ASB3: variants seen among roughly 807,000 people sequenced by gnomAD.
ASB3 encodes ankyrin repeat and SOCS box containing 3.
Under a neutral mutation model 54.5 loss-of-function variants are expected in ASB3, and 41 were observed. That is an observed-to-expected ratio of 0.75 (90% confidence interval 0.59 to 0.98). ASB3 has a LOEUF of 0.98. ASB3 is among the 50% of genes least tolerant of loss of function. The probability of loss-of-function intolerance (pLI) is 0.00; values close to 1 mark genes in which losing one functional copy is unlikely to be tolerated. For missense variants in ASB3, 733 were observed against 620.0 expected, an observed-to-expected ratio of 1.18 and a Z score of -1.94; for synonymous variants, 266 against 221.2, an observed-to-expected ratio of 1.20 and a Z score of -1.80.
chr2:53,741,168 A>ATT (rs1417565778), intron 3 of ASB3, among the ~76,000 whole-genome samples: 3 of 152,228 alleles, frequency 2.0e-5, no homozygotes, highest in Non-Finnish European at 2.9e-5. Context: ...AAAGAGTCCT[A>ATT]TTTATGTAGG....
intron 3 of ASB3, among the ~76,000 whole-genome samples, chr2:53,744,190 C>T (rs1672094917): frequency 6.6e-6 from 1 of 151,054 alleles, no homozygotes; most frequent in Non-Finnish European, 1.5e-5. Flanking sequence ...TCCTGGCTAA[C>T]ACGGTGAAAC....
intron 1 of ASB3, among the ~76,000 whole-genome samples, chr2:53,784,032 T>C (rs1461329894): frequency 6.6e-6 from 1 of 152,192 alleles, no homozygotes; most frequent in East Asian, 1.9e-4. Context: ...AGGAGCAAAA[T>C]GAGTTTATTT....
At chr2:53,751,774 T>C (rs1472313432) in intron 2 of ASB3, among the ~76,000 whole-genome samples, 2 of 152,206 alleles carry the variant, frequency 1.3e-5, no homozygotes, top group Non-Finnish European at 2.9e-5. Context: ...TGTAACTCAC[T>C]GATGAAACAA....
chr2:53,741,081 C>T (rs955558186), intron 3 of ASB3, among the ~76,000 whole-genome samples: 1 of 152,140 alleles, frequency 6.6e-6, no homozygotes, highest in South Asian at 2.1e-4. Context: ...ATGACCCATA[C>T]TAAGGCTTAG....
chr2:53,785,178 A>T (rs1472797149), intron 1 of ASB3, among the ~76,000 whole-genome samples: 1 of 152,246 alleles, frequency 6.6e-6, no homozygotes, highest in East Asian at 1.9e-4. Flanking sequence ...TGACTTACGT[A>T]CTAAAAGCAA....
At chr2:53,677,867 C>G (rs1668164726) in intron 9 of ASB3, among the ~76,000 whole-genome samples, 2 of 152,050 alleles carry the variant, frequency 1.3e-5, no homozygotes, top group Non-Finnish European at 2.9e-5. Flanking sequence ...AGGCACACTA[C>G]ATGTTAAGGA....
intron 3 of ASB3, among the ~76,000 whole-genome samples, chr2:53,735,591 C>T (rs12621635): frequency 0.088 from 13,258 of 150,304 alleles, 626 homozygotes; most frequent in East Asian, 0.17. Flanking sequence ...AATGTGAGCC[C>T]AATCAAAATA....
At chr2:53,700,184 T>C (rs1305243907) in intron 8 of ASB3, 87 bp downstream of exon 8, 1 of 1,530,606 alleles carries the variant, frequency 6.5e-7, no homozygotes, top group African/African-American at 1.4e-5. Context: ...GATACCCTTC[T>C]CCAAACACTG....
chr2:53,694,204 T>C, intron 8 of ASB3, 190 bp from the exon 9 acceptor site: 2 of 551,310 alleles, frequency 3.6e-6, no homozygotes, highest in Non-Finnish European at 6.0e-6. Context: ...CAGGTTCCTA[T>C]TAACTGAATT....
At chr2:53,768,709 T>A (rs1673675595) in intron 1 of ASB3, among the ~76,000 whole-genome samples, 1 of 152,254 alleles carries the variant, frequency 6.6e-6, no homozygotes, top group Non-Finnish European at 1.5e-5. Context: ...ATGGTTCTCA[T>A]AATTATAATA....
chr2:53,694,824 T>C (rs891668615), intron 8 of ASB3, among the ~76,000 whole-genome samples: 11 of 152,286 alleles, frequency 7.2e-5, no homozygotes, highest in East Asian at 3.9e-4. Flanking sequence ...CAGGGAACTA[T>C]ATGTGAAAAT....
At chr2:53,693,857 G>C in intron 9 of ASB3, 27 bp downstream of exon 9, 1 of 1,607,696 alleles carries the variant, frequency 6.2e-7, no homozygotes, top group East Asian at 2.2e-5. Flanking sequence ...AAGTAGTGAA[G>C]TGTGTTTAAA....
intron 5 of ASB3, among the ~76,000 whole-genome samples, chr2:53,724,257 C>G (rs958481221): frequency 6.6e-6 from 1 of 152,084 alleles, no homozygotes; most frequent in African/African-American, 2.4e-5. Flanking sequence ...TATCTAGAAT[C>G]TATAAGGAAC....
In ASB3 at chr2:53,740,734, C is replaced by T. The variant is rs528175429; in HGVS notation, c.355+10049G>A. Among the ~76,000 whole-genome samples, 3 of 152,224 alleles carry T rather than the reference C, an allele frequency of 2.0e-5. No individual in the cohort carries two copies. The East Asian group carries it at 5.8e-4, about 29-fold the overall frequency. Reference sequence around the variant, plus strand: ...GCGAATATCCCAATCCAATCATCCACGTTATCACTGACATTTCTCATGGTT... The same window carrying T: ...GCGAATATCCCAATCCAATCATCCATGTTATCACTGACATTTCTCATGGTT... On this transcript the variant is annotated intron_variant, in intron 3 of 9. Transcript: ENST00000263634.
chr2:53,707,804 A>C (rs1572880650), intron 7 of ASB3, among the ~76,000 whole-genome samples: 1 of 151,926 alleles, frequency 6.6e-6, no homozygotes, highest in Non-Finnish European at 1.5e-5. Flanking sequence ...TCTACTAAAA[A>C]TACAAAAATT....
At chr2:53,724,062 T>C (rs1458021929) in intron 5 of ASB3, among the ~76,000 whole-genome samples, 2 of 152,044 alleles carry the variant, frequency 1.3e-5, no homozygotes, top group African/African-American at 2.4e-5. Context: ...TCAAAAGCAA[T>C]TGCAACAAAA....
At chr2:53,675,225 A>C (rs1028047033) in intron 9 of ASB3, among the ~76,000 whole-genome samples, 1 of 152,200 alleles carries the variant, frequency 6.6e-6, no homozygotes, top group Non-Finnish European at 1.5e-5. Flanking sequence ...GAATCTAGTG[A>C]TCTCCAAATG....
chr2:53,730,493 T>C (rs567095973), intron 3 of ASB3, among the ~76,000 whole-genome samples: 1 of 152,330 alleles, frequency 6.6e-6, no homozygotes, highest in South Asian at 2.1e-4. Context: ...TTGTGAATGG[T>C]GCTGCAAGGA....
intron 2 of ASB3, among the ~76,000 whole-genome samples, chr2:53,761,685 A>T (rs1673156568): frequency 6.6e-6 from 1 of 152,194 alleles, no homozygotes; most frequent in South Asian, 2.1e-4. Flanking sequence ...AGAGCATATG[A>T]TGGGACTTCT....
Sources: gnomAD v4.1 joint callset for allele counts (sites outside exome capture counted in the v4.1 genomes callset) on GRCh38, gnomAD v4.1.1 for gene constraint, MANE v1.5 for transcripts, NCBI Gene and HGNC (gene_info 2026-07-23, HGNC 2026-07-21) for gene names.